The following PLCL1 variants were observed in gnomAD, a reference collection of about 807,000 sequenced individuals.
The protein encoded by PLCL1 is phospholipase C like 1 (inactive), also known as inactive phospholipase C-like protein 1.
A neutral mutation model predicts 84.4 loss-of-function variants in PLCL1; 41 were observed. That is an observed-to-expected ratio of 0.49 (90% CI 0.38 to 0.63). The LOEUF is 0.63. Among genes scored for constraint, PLCL1 ranks in the 30% least tolerant of loss-of-function variants. The probability of loss-of-function intolerance (pLI) is 0.00; values close to 1 mark genes in which losing one functional copy is unlikely to be tolerated. For synonymous variants in PLCL1, 490 were observed against 488.3 expected, an observed-to-expected ratio of 1.00 and a Z score of -0.05; for missense variants, 1,206 against 1,367.8, an observed-to-expected ratio of 0.88 and a Z score of 1.87.
At chr2:198,046,829 A>G (rs1691814689) in intron 1 of PLCL1, among the ~76,000 whole-genome samples, 1 of 152,164 alleles carries the variant, frequency 6.6e-6, no homozygotes, top group Admixed American at 6.5e-5. Flanking sequence ...ACAGAGTGAG[A>G]CCTTTTCTTT....
chr2:197,942,855 C>A (rs1006993106), intron 1 of PLCL1, among the ~76,000 whole-genome samples: 4 of 152,068 alleles, frequency 2.6e-5, no homozygotes, highest in Admixed American at 1.3e-4. Flanking sequence ...ATGTTTTAAC[C>A]AGACTTCTCC....
chr2:198,010,819 T>G (rs1690852512), intron 1 of PLCL1, among the ~76,000 whole-genome samples: 1 of 151,786 alleles, frequency 6.6e-6, no homozygotes, highest in South Asian at 2.1e-4. Context: ...TTTTTATTAC[T>G]GCTTCAATCT....
intron 1 of PLCL1, among the ~76,000 whole-genome samples, chr2:198,019,373 A>G (rs1473394050): frequency 6.6e-6 from 1 of 152,216 alleles, no homozygotes; most frequent in African/African-American, 2.4e-5. Flanking sequence ...ACAAAACTGG[A>G]TGGAGAATGA....
intron 1 of PLCL1, among the ~76,000 whole-genome samples, chr2:198,060,806 A>G (rs1399611625): frequency 6.6e-6 from 1 of 152,204 alleles, no homozygotes; most frequent in Non-Finnish European, 1.5e-5. Context: ...ATAGTGGTAG[A>G]TGTCATCCCT....
chr2:198,118,853 G>A (rs1215404840), intron 5 of PLCL1, among the ~76,000 whole-genome samples: 1 of 151,974 alleles, frequency 6.6e-6, no homozygotes, highest in Non-Finnish European at 1.5e-5. Flanking sequence ...TGTTCTCCAT[G>A]AAGTTTTGAG....
intron 1 of PLCL1, among the ~76,000 whole-genome samples, chr2:198,020,718 C>T (rs1328032334): frequency 6.6e-6 from 1 of 152,088 alleles, no homozygotes; most frequent in Admixed American, 6.5e-5. Context: ...TATATATGCA[C>T]CCAATACAGG....
chr2:198,055,357 G>T (rs548256642), intron 1 of PLCL1, among the ~76,000 whole-genome samples: 3 of 65,332 alleles, frequency 4.6e-5, no homozygotes, highest in Non-Finnish European at 8.7e-5. Flanking sequence ...GTGTATGAGA[G>T]AGAGAGAAAG....
intron 1 of PLCL1, among the ~76,000 whole-genome samples, chr2:197,934,352 G>A (rs1689008559): frequency 6.6e-6 from 1 of 152,186 alleles, no homozygotes; most frequent in Non-Finnish European, 1.5e-5. Flanking sequence ...TTGAGTTCAT[G>A]GAAGTTTGTA....
At chr2:198,030,906 G>A (rs1691399189) in intron 1 of PLCL1, among the ~76,000 whole-genome samples, 1 of 152,110 alleles carries the variant, frequency 6.6e-6, no homozygotes, top group Non-Finnish European at 1.5e-5. Flanking sequence ...TGTTCGTAAG[G>A]CACAAGAGTC....
chr2:198,147,149 GTGTTT>G lies in PLCL1; in HGVS notation c.*189_*193del. 2.0e-6 allele frequency: 1 copy of G among 492,376 alleles called. No homozygotes were observed. The highest frequency in any genetic ancestry group is 3.6e-6 in the Non-Finnish European group (1 of 280,418). The allele number at this position is 492,376 out of a possible 1,614,324, so 30.5% of individuals were successfully genotyped here. ...ATCTAAATTAAAGCCTTTAGTATCA[GTGTTT>G]TAAATTCTGAGACATGTGTCAACAC... On this transcript the variant is annotated 3_prime_UTR_variant, in exon 6 of 6. Transcript: ENST00000428675.
At chr2:197,934,466 T>C (rs993158188) in intron 1 of PLCL1, among the ~76,000 whole-genome samples, 8 of 152,210 alleles carry the variant, frequency 5.3e-5, no homozygotes, top group African/African-American at 1.9e-4. Context: ...ACGCCTTTCT[T>C]GTAACCATAG....
intron 1 of PLCL1, among the ~76,000 whole-genome samples, chr2:197,954,267 A>G (rs751080971): frequency 1.3e-5 from 2 of 152,130 alleles, no homozygotes; most frequent in East Asian, 1.9e-4. Context: ...TTTCATTTCA[A>G]CTTAAAAGCT....
intron 5 of PLCL1, among the ~76,000 whole-genome samples, chr2:198,132,856 G>T (rs1425258723): frequency 4.0e-5 from 6 of 151,872 alleles, no homozygotes; most frequent in Middle Eastern, 3.4e-3. Flanking sequence ...GTCAATTTTG[G>T]CTTTTGTTGC....
intron 1 of PLCL1, among the ~76,000 whole-genome samples, chr2:198,071,911 A>AAATCT (rs1440886746): frequency 6.6e-6 from 1 of 151,874 alleles, no homozygotes; most frequent in African/African-American, 2.4e-5. Flanking sequence ...CATGAAGCAG[A>AAATCT]AATCTAGCTT....
intron 1 of PLCL1, among the ~76,000 whole-genome samples, chr2:198,065,571 G>A (rs1027590454): frequency 2.0e-5 from 3 of 152,080 alleles, no homozygotes; most frequent in Admixed American, 2.0e-4. Flanking sequence ...CGGTTGTATT[G>A]TTTGGCCTTA....
Position 197,805,396 on chromosome 2 carries a change from A to C in PLCL1, c.240+57A>C. ...GCTGTGGGTGATGGGTGGGTCAGGGACCCGGGCAGGATGTGCGGTGTCCGG... is the reference window on the plus strand; with the variant it reads ...GCTGTGGGTGATGGGTGGGTCAGGGCCCCGGGCAGGATGTGCGGTGTCCGG... On this transcript the variant is annotated intron_variant, in intron 1 of 5. Coordinates refer to ENST00000428675, the MANE Select transcript of PLCL1 (RefSeq NM_006226.4). This position sits in a 1 kb window ranked among gnomAD's most constrained non-coding sequence, Gnocchi z 4.0. The C allele has an allele frequency of 1.5e-6, 2 of 1,307,034 alleles. No individual in the cohort carries two copies. The highest frequency in any genetic ancestry group is 1.9e-6 in the Non-Finnish European group (2 of 1,032,502). The allele number at this position is 1,307,034 out of a possible 1,614,324, so 81.0% of individuals were successfully genotyped here.
At chr2:197,823,618 G>A (rs999801976) in intron 1 of PLCL1, among the ~76,000 whole-genome samples, 3 of 152,096 alleles carry the variant, frequency 2.0e-5, no homozygotes, top group Non-Finnish European at 2.9e-5. Flanking sequence ...GAGTCATGGA[G>A]CAAACCTTGT....
chr2:197,933,521 G>A lies in PLCL1; in HGVS notation c.240+128182G>A, dbSNP rs528310301. ...TAATTGCCTCAGAGCTGGTAGAAAG[G>A]AAATAACAAGATTAATAGATTAATT... is the stretch of plus-strand genomic sequence containing the variant. On this transcript the variant is annotated intron_variant, in intron 1 of 5. Coordinates refer to ENST00000428675, the MANE Select transcript of PLCL1 (RefSeq NM_006226.4). Among the ~76,000 whole-genome samples, 23 of 152,168 alleles carry A rather than the reference G, an allele frequency of 1.5e-4. No homozygotes were observed. In the South Asian group the frequency reaches 1.7e-3, roughly 11 times the overall value.
chr2:197,923,055 A>G (rs1688744762), intron 1 of PLCL1, among the ~76,000 whole-genome samples: 2 of 122,022 alleles, frequency 1.6e-5, no homozygotes, highest in African/African-American at 6.3e-5. Flanking sequence ...CACCTCCCAG[A>G]CGGGGCGGCT....
Sources: gnomAD v4.1 joint callset for allele counts (sites outside exome capture counted in the v4.1 genomes callset) on GRCh38, gnomAD v4.1.1 for gene constraint, Gnocchi (gnomAD v3.1) non-coding constraint, MANE v1.5 for transcripts, NCBI Gene and HGNC (gene_info 2026-07-23, HGNC 2026-07-21) for gene names.